Variants in TFDP2 observed in about 807,000 individuals in gnomAD.
The protein encoded by TFDP2 is transcription factor Dp-2.
A neutral mutation model predicts 59.3 loss-of-function variants in TFDP2; 17 were observed. That is an observed-to-expected ratio of 0.29 (90% confidence interval 0.20 to 0.43). The LOEUF (loss-of-function observed/expected upper bound fraction) is 0.43, where lower values mean the gene tolerates loss of function less well. Ranked by LOEUF, TFDP2 falls within the 20% of genes least tolerant of loss-of-function variation. TFDP2 has a pLI of 1.00. For missense variants in TFDP2, 391 were observed against 528.8 expected (o/e 0.74, Z 2.56); for synonymous variants, 180 against 194.7 (o/e 0.92, Z 0.63).
At chr3:142,120,486 T>C (rs949712034) in intron 1 of TFDP2, among the ~76,000 whole-genome samples, 5 of 152,206 alleles carry the variant, frequency 3.3e-5, no homozygotes, top group Admixed American at 6.5e-5. Flanking sequence ...GATGCAATCA[T>C]TAGTAATAAG....
chr3:142,039,979 T>C (rs1304786189), intron 3 of TFDP2, among the ~76,000 whole-genome samples: 1 of 152,170 alleles, frequency 6.6e-6, no homozygotes, highest in African/African-American at 2.4e-5. Flanking sequence ...GTTGACTCAA[T>C]GTCACAGGCA....
At chr3:142,117,421 A>G (rs1254145140) in intron 1 of TFDP2, among the ~76,000 whole-genome samples, 4 of 144,152 alleles carry the variant, frequency 2.8e-5, no homozygotes, top group Non-Finnish European at 1.5e-5. Flanking sequence ...AGTCAAGCAG[A>G]AAAAAAAAAA....
rs1935280916 is a variant in TFDP2, at chr3:141,946,657, C to CA, written c.*5855dup. The CA allele has an allele frequency of 6.6e-6, 1 of 152,154 alleles. No homozygotes were observed. Among genetic ancestry groups the CA allele is most frequent in the South Asian group, 2.1e-4 (1 of 4,828 alleles). The allele number at this position is 152,154 out of a possible 1,614,324, so 9.4% of individuals were successfully genotyped here. On this transcript the variant is annotated 3_prime_UTR_variant, in exon 13 of 13. Transcript: ENST00000489671. ...CAGAGATTACCTAAGCATCACTTCT[C>CA]AGAGACGTTTTGGTTAAGGGACTAC...
Position 141,978,673 on chromosome 3 carries a change from G to C in TFDP2, c.366C>G (p.Ser122Arg), listed in dbSNP as rs761105237. Reference sequence around the variant, plus strand: ...CTTTCCCATTTTTATCTCCTTTTTTGCTTCGTTTACTAGAAGGGAAAAAAG... The same window carrying C: ...CTTTCCCATTTTTATCTCCTTTTTTCCTTCGTTTACTAGAAGGGAAAAAAG... ...IDSDFSESKR[S>R]KKGDKNGKGL... is the part of the protein sequence containing the mutation. Residue 122 changes from serine to arginine, a missense_variant, in exon 7 of 13, where the codon AGC becomes AGG. Physicochemically the swap from Ser to Arg is moderately radical, Grantham distance 110. Coordinates refer to ENST00000489671, the MANE Select transcript of TFDP2 (RefSeq NM_001178139.2). 2.5e-5 allele frequency: 40 copies of C among 1,603,904 alleles called. No individual in the cohort carries two copies. The highest frequency in any genetic ancestry group is 3.4e-6 in the Non-Finnish European group (4 of 1,177,244).
In TFDP2 at chr3:141,952,481, T is replaced by C. The variant is rs1378641164; in HGVS notation, c.*32A>G. On this transcript the variant is annotated 3_prime_UTR_variant, in exon 13 of 13. Coordinates refer to ENST00000489671, the MANE Select transcript of TFDP2 (RefSeq NM_001178139.2). ...CTCACACTACAAACACACATGAGCA[T>C]CACATATTGAAACGTAGGCTTTCTC... 1 of 1,498,812 alleles carries C rather than the reference T, an allele frequency of 6.7e-7. No individual in the cohort carries two copies. Among genetic ancestry groups the C allele is most frequent in the East Asian group, 2.4e-5 (1 of 41,882 alleles). The allele number at this position is 1,498,812 out of a possible 1,614,324, so 92.8% of individuals were successfully genotyped here. A position where few individuals can be genotyped will look rare whatever the true frequency, so the allele number is the denominator to read the frequency against.
chr3:142,094,467 G>A (rs987344439), intron 2 of TFDP2, among the ~76,000 whole-genome samples: 3 of 151,950 alleles, frequency 2.0e-5, no homozygotes, highest in African/African-American at 7.3e-5. Flanking sequence ...ACCACGCCCA[G>A]CTAATTTTTG....
At chr3:142,098,074 A>G (rs1235279102) in intron 2 of TFDP2, among the ~76,000 whole-genome samples, 1 of 152,162 alleles carries the variant, frequency 6.6e-6, no homozygotes, top group Non-Finnish European at 1.5e-5. Context: ...TACAGGCGTG[A>G]GCCATCGCGC....
intron 3 of TFDP2, among the ~76,000 whole-genome samples, chr3:142,078,091 C>T (rs975411447): frequency 6.6e-6 from 1 of 152,120 alleles, no homozygotes; most frequent in Non-Finnish European, 1.5e-5. Context: ...GACTCCTCTG[C>T]CTGTGGAAAG....
At chr3:142,036,073 A>C (rs1946683180) in intron 3 of TFDP2, among the ~76,000 whole-genome samples, 1 of 152,214 alleles carries the variant, frequency 6.6e-6, no homozygotes, top group African/African-American at 2.4e-5. Context: ...ACTGTTCTCC[A>C]TGTCATATAC....
intron 3 of TFDP2, among the ~76,000 whole-genome samples, chr3:142,057,675 A>G (rs1233557889): frequency 6.6e-6 from 1 of 152,240 alleles, no homozygotes; most frequent in Non-Finnish European, 1.5e-5. Flanking sequence ...AAGTGACTGC[A>G]TTTCAAACTA....
Position 142,043,569 on chromosome 3 carries a change from A to C in TFDP2, c.83-38025T>G, listed in dbSNP as rs930474478. On this transcript the variant is annotated intron_variant, in intron 3 of 12. Coordinates refer to ENST00000489671, the MANE Select transcript of TFDP2 (RefSeq NM_001178139.2). ...GCAGATAAAGGTTTCTTTTATTTTA[A>C]TGGCTGATCTATGTAATCACGGAGG... The C allele has an allele frequency of 4.1e-6, 3 of 736,584 alleles. No individual in the cohort carries two copies. The African/African-American group carries it at 5.3e-5, about 13-fold the overall frequency. 45.6% of individuals were successfully genotyped at this position (736,584 alleles called of 1,614,324 possible).
At chr3:142,110,262 G>C (rs781565751) in intron 1 of TFDP2, among the ~76,000 whole-genome samples, 8 of 152,104 alleles carry the variant, frequency 5.3e-5, no homozygotes, top group Non-Finnish European at 1.0e-4. Flanking sequence ...CCAGCACTTT[G>C]GTAGGCCAAG....
At position 141,974,271 on chromosome 3, in the gene TFDP2, A is replaced by G. The variant is rs1250474767; in HGVS notation, c.520-80T>C. ...CATGATATGAATATATCAAATTAATATTACAACTTCAAAGTGCTGGAAGGA... is the reference window on the plus strand; with the variant it reads ...CATGATATGAATATATCAAATTAATGTTACAACTTCAAAGTGCTGGAAGGA... On this transcript the variant is annotated intron_variant, in intron 7 of 12. Coordinates refer to ENST00000489671, the MANE Select transcript of TFDP2 (RefSeq NM_001178139.2). 4.9e-6 allele frequency: 6 copies of G among 1,227,684 alleles called. No individual in the cohort carries two copies. In the African/African-American group the frequency reaches 9.4e-5, roughly 19 times the overall value. 76.0% of individuals were successfully genotyped at this position (1,227,684 alleles called of 1,614,324 possible).
intron 3 of TFDP2, among the ~76,000 whole-genome samples, chr3:142,022,861 G>A (rs1945723473): frequency 1.3e-5 from 2 of 152,042 alleles, no homozygotes; most frequent in African/African-American, 4.8e-5. Context: ...GGTGGCTCAC[G>A]CCTGAATCCC....
intron 3 of TFDP2, among the ~76,000 whole-genome samples, chr3:142,066,603 C>T (rs1162124778): frequency 6.6e-6 from 1 of 152,188 alleles, no homozygotes; most frequent in African/African-American, 2.4e-5. Flanking sequence ...ATGTGTGTCA[C>T]TTTCGCACCA....
intron 3 of TFDP2, among the ~76,000 whole-genome samples, chr3:142,017,114 T>C (rs1345676315): frequency 2.0e-5 from 3 of 152,240 alleles, no homozygotes; most frequent in Admixed American, 6.5e-5. Flanking sequence ...GCAGCAGAGA[T>C]ATCTACCACC....
rs182976406 is a variant in TFDP2, at chr3:142,108,140, T to G, written c.-92-6299A>C. ...TGATATGTAACATTTCTCCTTTTTATAAAACCTCTAACCTCTTTGTTCTTC... is the reference window on the plus strand; with the variant it reads ...TGATATGTAACATTTCTCCTTTTTAGAAAACCTCTAACCTCTTTGTTCTTC... On this transcript the variant is annotated intron_variant, in intron 1 of 12. Coordinates refer to ENST00000489671, the MANE Select transcript of TFDP2 (RefSeq NM_001178139.2). Among the ~76,000 whole-genome samples the G allele has an allele frequency of 5.9e-5, 9 of 152,238 alleles. No individual in the cohort carries two copies. The East Asian group carries it at 1.2e-3, about 20-fold the overall frequency.
intron 3 of TFDP2, among the ~76,000 whole-genome samples, chr3:142,011,600 AAG>A (rs1487630096): frequency 6.7e-6 from 1 of 149,442 alleles, no homozygotes; most frequent in African/African-American, 2.5e-5. Flanking sequence ...TAAAAAAAAA[AAG>A]AAAAAAAAAA....
chr3:142,001,514 G>A (rs2108242091), intron 4 of TFDP2, among the ~76,000 whole-genome samples: 1 of 152,288 alleles, frequency 6.6e-6, no homozygotes, highest in East Asian at 1.9e-4. Context: ...TTCTTCCATT[G>A]TTTTGATGAA....
Sources: allele counts gnomAD v4.1 joint callset (sites outside exome capture counted in the v4.1 genomes callset), GRCh38; gene constraint gnomAD v4.1.1; transcripts MANE v1.5; gene names NCBI Gene and HGNC (gene_info 2026-07-23, HGNC 2026-07-21).